HIVEP3: variants seen among roughly 807,000 people sequenced by gnomAD.
HIVEP3 encodes the protein HIVEP zinc finger 3, also known as transcription factor HIVEP3.
HIVEP3 carries 49 observed loss-of-function variants against 152.8 expected under a neutral mutation model. The observed-to-expected ratio is 0.32, with a 90% CI of 0.26 to 0.41. The LOEUF is 0.41. Ranked by LOEUF, HIVEP3 falls within the 10% of genes least tolerant of loss-of-function variation. The pLI is 1.00. For synonymous variants in HIVEP3, 1,269 were observed against 1,289.0 expected (o/e 0.98, Z 0.33); for missense variants, 2,790 against 3,103.3 (o/e 0.90, Z 2.40).
At chr1:41,641,016 G>A (rs764990207) in intron 2 of HIVEP3, among the ~76,000 whole-genome samples, 16 of 152,248 alleles carry the variant, frequency 1.1e-4, no homozygotes, top group Non-Finnish European at 2.1e-4. Flanking sequence ...GCTGGGGTAA[G>A]AACAAAATGG....
chr1:42,011,388 T>C (rs1269245494), intron 1 of HIVEP3, among the ~76,000 whole-genome samples: 2 of 152,242 alleles, frequency 1.3e-5, no homozygotes, highest in East Asian at 3.8e-4. Flanking sequence ...ATATTTTCTC[T>C]TTATAAAAAG....
chr1:41,796,015 G>A (rs1649961905), intron 1 of HIVEP3, among the ~76,000 whole-genome samples: 2 of 151,950 alleles, frequency 1.3e-5, no homozygotes, highest in African/African-American at 2.4e-5. Flanking sequence ...TTTCTACTAG[G>A]GTATTATTGG....
intron 1 of HIVEP3, among the ~76,000 whole-genome samples, chr1:41,934,935 C>T (rs1645012740): frequency 6.6e-6 from 1 of 152,062 alleles, no homozygotes; most frequent in Admixed American, 6.6e-5. Context: ...GCTTTCTAGT[C>T]CACTTAATTT....
chr1:41,797,594 G>A (rs1020361627), intron 1 of HIVEP3, among the ~76,000 whole-genome samples: 5 of 152,130 alleles, frequency 3.3e-5, no homozygotes, highest in African/African-American at 1.2e-4. Context: ...GTTCCACCAC[G>A]ACAGCAAAAG....
intron 1 of HIVEP3, among the ~76,000 whole-genome samples, chr1:41,855,095 GC>G (rs1251703858): frequency 7.3e-6 from 1 of 137,596 alleles, no homozygotes; most frequent in African/African-American, 2.9e-5. Context: ...CTGAGGAATC[GC>G]CACACTGACT....
At chr1:41,730,489 T>A (rs1237945955) in intron 1 of HIVEP3, among the ~76,000 whole-genome samples, 2 of 152,148 alleles carry the variant, frequency 1.3e-5, no homozygotes, top group Non-Finnish European at 2.9e-5. Context: ...CAGCTCCCCA[T>A]CAGCACTCAG....
intron 1 of HIVEP3, among the ~76,000 whole-genome samples, chr1:41,728,442 T>C (rs567227811): frequency 2.7e-5 from 4 of 146,486 alleles, no homozygotes; most frequent in Admixed American, 1.4e-4. Context: ...GGGCAGGGGA[T>C]GCGGGGCTGG....
intron 1 of HIVEP3, among the ~76,000 whole-genome samples, chr1:41,772,676 G>A (rs900796621): frequency 6.6e-6 from 1 of 152,196 alleles, no homozygotes; most frequent in Non-Finnish European, 1.5e-5. Flanking sequence ...TTGGGAGGCC[G>A]AGGTAGGTGG....
chr1:41,571,297 T>G (rs1644248898), intron 5 of HIVEP3, among the ~76,000 whole-genome samples: 1 of 152,204 alleles, frequency 6.6e-6, no homozygotes, highest in South Asian at 2.1e-4. Flanking sequence ...TGAACTTGAG[T>G]TAAGACAATA....
chr1:41,601,042 C>T (rs1412223866), intron 3 of HIVEP3, among the ~76,000 whole-genome samples: 2 of 152,136 alleles, frequency 1.3e-5, no homozygotes, highest in Non-Finnish European at 2.9e-5. Flanking sequence ...TTTCTTGGCA[C>T]CCGTGTTGAA....
chr1:41,959,848 C>T (rs1337273328), intron 1 of HIVEP3, among the ~76,000 whole-genome samples: 1 of 152,132 alleles, frequency 6.6e-6, no homozygotes, highest in Non-Finnish European at 1.5e-5. Flanking sequence ...ATAGCTGCTA[C>T]CTCCAGGTTG....
Position 41,583,285 on chromosome 1 carries a change from A to C in HIVEP3, c.1513T>G (p.Tyr505Asp). 6.2e-7 allele frequency: 1 copy of C among 1,613,260 alleles called. No homozygotes were observed. Among genetic ancestry groups the C allele is most frequent in the Admixed American group, 1.7e-5 (1 of 59,936 alleles). The change falls in exon 4 of 9, where the codon TAC (tyrosine) becomes GAC (aspartate). Residue 505 changes from tyrosine to aspartate, a missense_variant. Physicochemically the swap from Tyr to Asp is radical, Grantham distance 160. Transcript: ENST00000372583. The surrounding 1 kb of genome is among the most constrained non-coding windows in gnomAD (Gnocchi z 6.9). The stretch of plus-strand genomic sequence containing the variant: ...CTGTGGGATGACAGGGGCTCCCGGT[A>C]GAGGCTGGATTTTGGGGACTCCATG... ...SSMESPKSSL[Y>D]REPLSSHSEK...
intron 1 of HIVEP3, among the ~76,000 whole-genome samples, chr1:41,729,120 G>A (rs1646800834): frequency 6.6e-6 from 1 of 152,168 alleles, no homozygotes; most frequent in Non-Finnish European, 1.5e-5. Flanking sequence ...TACTGTCTCC[G>A]CCACCCTCAG....
chr1:41,708,063 G>A (rs977057757), intron 1 of HIVEP3, among the ~76,000 whole-genome samples: 5 of 152,152 alleles, frequency 3.3e-5, no homozygotes, highest in African/African-American at 9.7e-5. Flanking sequence ...GAGATGCCAG[G>A]AGGGGCCATC....
At chr1:41,799,285 T>A (rs911872196) in intron 1 of HIVEP3, among the ~76,000 whole-genome samples, 3 of 152,174 alleles carry the variant, frequency 2.0e-5, no homozygotes, top group Non-Finnish European at 4.4e-5. Flanking sequence ...TCTGCCTCCC[T>A]CCCCAGGATC....
At chr1:41,947,220 C>T (rs11806355) in intron 1 of HIVEP3, among the ~76,000 whole-genome samples, 8,840 of 152,230 alleles carry the variant, frequency 0.058, 893 homozygotes, top group African/African-American at 0.2. Context: ...TCTTGTCCTT[C>T]GGTATGTGGA....
At position 41,757,743 on chromosome 1, in the gene HIVEP3, C is replaced by T. The variant is rs897710161; in HGVS notation, c.-800-56748G>A. Among the ~76,000 whole-genome samples, 5 of 58,632 alleles carry T rather than the reference C, an allele frequency of 8.5e-5. No homozygotes were observed. The South Asian group carries it at 2.2e-3, about 26-fold the overall frequency. The allele number at this position is 58,632 out of a possible 152,430, so 38.5% of individuals were successfully genotyped here. On this transcript the variant is annotated intron_variant, in intron 1 of 8. Transcript: ENST00000372583. Reference sequence around the variant, plus strand: ...TTTATTTATTTTTGAGACGGAGTTTCACTCCTGTTGCCCTGGCTGGAGTGC... The same window carrying T: ...TTTATTTATTTTTGAGACGGAGTTTTACTCCTGTTGCCCTGGCTGGAGTGC...
intron 1 of HIVEP3, among the ~76,000 whole-genome samples, chr1:41,930,644 C>T (rs960518437): frequency 6.6e-6 from 1 of 152,030 alleles, no homozygotes; most frequent in Non-Finnish European, 1.5e-5. Flanking sequence ...GTGGGATTGC[C>T]GGGTCATATA....
chr1:41,806,682 C>T (rs1281888423), intron 1 of HIVEP3, among the ~76,000 whole-genome samples: 2 of 152,214 alleles, frequency 1.3e-5, no homozygotes, highest in Non-Finnish European at 2.9e-5. Context: ...GGAAACTGTG[C>T]TTCCCCTCTG....
Sources: allele counts gnomAD v4.1 joint callset (sites outside exome capture counted in the v4.1 genomes callset), GRCh38; gene constraint gnomAD v4.1.1; non-coding constraint Gnocchi (gnomAD v3.1); transcripts MANE v1.5; gene names NCBI Gene and HGNC (gene_info 2026-07-23, HGNC 2026-07-21).